ESR1: variants seen among roughly 807,000 people sequenced by gnomAD.
ESR1 encodes estrogen receptor.
In ESR1, 12 loss-of-function variants were observed where a neutral mutation model predicts 52.7. The ratio of observed to expected loss-of-function variants is 0.23; its 90% CI spans 0.15 to 0.37. The LOEUF (loss-of-function observed/expected upper bound fraction) is 0.37, where lower values mean the gene tolerates loss of function less well. ESR1 is among the 10% of genes least tolerant of loss of function. ESR1 has a pLI of 1.00. For synonymous variants in ESR1, 305 were observed against 316.8 expected (o/e 0.96, Z 0.39); for missense variants, 584 against 779.7 (o/e 0.75, Z 2.99).
chr6:151,844,964 A>G (rs1784880226), intron 2 of ESR1, among the ~76,000 whole-genome samples: 1 of 152,218 alleles, frequency 6.6e-6, no homozygotes, highest in Admixed American at 6.5e-5. Flanking sequence ...AAGGAAAACA[A>G]TAGAGAGATG....
chr6:151,939,220 C>G (rs1299794491), intron 3 of ESR1, among the ~76,000 whole-genome samples: 1 of 152,148 alleles, frequency 6.6e-6, no homozygotes, highest in Non-Finnish European at 1.5e-5. Context: ...AAGAGGCTGC[C>G]TGTTTAATAT....
At chr6:151,692,623 G>C (rs1342525678) in intron 1 of ESR1, among the ~76,000 whole-genome samples, 3 of 152,104 alleles carry the variant, frequency 2.0e-5, no homozygotes, top group African/African-American at 4.8e-5. Context: ...CGAGAAAGAG[G>C]CGCCATCTGT....
At chr6:151,829,129 T>C (rs1283618160) in intron 1 of ESR1, among the ~76,000 whole-genome samples, 2 of 152,258 alleles carry the variant, frequency 1.3e-5, no homozygotes, top group Admixed American at 6.5e-5. Context: ...TTTTACATGA[T>C]GCCCAACTTC....
In ESR1 at chr6:151,960,819, C is replaced by A. The variant is rs78320285; in HGVS notation, c.1096+16311C>A. Reference sequence around the variant, plus strand: ...AGCAATCTAGGTGATAAATGAGGACCGATGGTGGCTCTGACAAGGGTGGTA... The same window carrying A: ...AGCAATCTAGGTGATAAATGAGGACAGATGGTGGCTCTGACAAGGGTGGTA... On this transcript the variant is annotated intron_variant, in intron 4 of 7. Transcript: ENST00000206249. Among the ~76,000 whole-genome samples the A allele has an allele frequency of 4.8e-4, 73 of 152,080 alleles. No homozygotes were observed. In the East Asian group the frequency reaches 0.014, roughly 29 times the overall value.
chr6:152,001,465 C>T (rs571774306), intron 4 of ESR1, among the ~76,000 whole-genome samples: 1 of 152,036 alleles, frequency 6.6e-6, no homozygotes, highest in Non-Finnish European at 1.5e-5. Flanking sequence ...ACATCCTAAT[C>T]ACTTCTTAAA....
chr6:151,911,967 C>T (rs148174668), intron 3 of ESR1, among the ~76,000 whole-genome samples: 16 of 152,290 alleles, frequency 1.1e-4, no homozygotes, highest in Admixed American at 4.6e-4. Flanking sequence ...CCACATGTGG[C>T]CATTTAGATG....
intron 4 of ESR1, among the ~76,000 whole-genome samples, chr6:152,003,694 A>G (rs932031783): frequency 6.6e-6 from 1 of 151,976 alleles, no homozygotes; most frequent in Admixed American, 6.6e-5. Flanking sequence ...CAAAGAAATG[A>G]ATGCTTACAG....
chr6:151,718,467 C>G (rs994555918), intron 2 of ESR1, among the ~76,000 whole-genome samples: 1 of 152,126 alleles, frequency 6.6e-6, no homozygotes, highest in Admixed American at 6.5e-5. Flanking sequence ...CATTTTAAAA[C>G]CATGCATGAG....
intron 2 of ESR1, among the ~76,000 whole-genome samples, chr6:151,767,299 C>A (rs1045770574): frequency 6.6e-6 from 1 of 152,142 alleles, no homozygotes; most frequent in Non-Finnish European, 1.5e-5. Context: ...TATATCTCAG[C>A]TTAAGAGAGT....
downstream of ESR1, among the ~76,000 whole-genome samples, chr6:152,107,634 T>G (rs1219339600): frequency 1.3e-5 from 2 of 152,236 alleles, no homozygotes; most frequent in East Asian, 3.8e-4. Flanking sequence ...TATTCCTGAT[T>G]GTGGGCCACA....
exon 7 of ESR1, chr6:152,128,715 G>A (rs1337601234): frequency 2.6e-5 from 4 of 152,194 alleles, no homozygotes; most frequent in Non-Finnish European, 5.9e-5. Flanking sequence ...AACTATTTAT[G>A]CTTCTGCAAT....
intron 2 of ESR1, among the ~76,000 whole-genome samples, chr6:151,877,538 G>T (rs1239092000): frequency 2.0e-5 from 3 of 152,114 alleles, no homozygotes; most frequent in Non-Finnish European, 1.5e-5. Context: ...GTTAAGAGAC[G>T]AATTCAATTG....
At chr6:151,704,040 C>T (rs925469898) in intron 2 of ESR1, among the ~76,000 whole-genome samples, 4 of 152,162 alleles carry the variant, frequency 2.6e-5, no homozygotes, top group Non-Finnish European at 5.9e-5. Context: ...CAGTGGTTCT[C>T]CCATAATCAA....
At chr6:151,996,429 C>G (rs2041491487) in intron 4 of ESR1, among the ~76,000 whole-genome samples, 1 of 152,088 alleles carries the variant, frequency 6.6e-6, no homozygotes, top group African/African-American at 2.4e-5. Flanking sequence ...TGAGGCTCCT[C>G]TTGAGTCCTG....
At chr6:151,916,471 A>G (rs928673304) in intron 3 of ESR1, among the ~76,000 whole-genome samples, 1 of 152,220 alleles carries the variant, frequency 6.6e-6, no homozygotes, top group Admixed American at 6.5e-5. Context: ...TTTAGGTGGC[A>G]TATTTCAGAG....
At chr6:152,119,540 T>C (rs1039406860) in intron 6 of ESR1, among the ~76,000 whole-genome samples, 1 of 152,204 alleles carries the variant, frequency 6.6e-6, no homozygotes, top group Non-Finnish European at 1.5e-5. Context: ...ACCATGTTAT[T>C]AACCCTTCCC....
intron 2 of ESR1, among the ~76,000 whole-genome samples, chr6:151,705,824 G>A (rs1288425626): frequency 6.6e-6 from 1 of 152,194 alleles, no homozygotes; most frequent in African/African-American, 2.4e-5. Flanking sequence ...TAATTTATCA[G>A]TCTGGGTGTG....
At chr6:151,930,403 A>T (rs2033418390) in intron 3 of ESR1, among the ~76,000 whole-genome samples, 1 of 152,178 alleles carries the variant, frequency 6.6e-6, no homozygotes, top group South Asian at 2.1e-4. Context: ...AAATATAGGG[A>T]TATTATAACA....
chr6:152,085,891 A>G lies in ESR1; in HGVS notation c.1370-8494A>G, dbSNP rs376581421. 3.3e-5 allele frequency among the ~76,000 whole-genome samples: 5 copies of G among 152,312 alleles called. No individual in the cohort carries two copies. In the East Asian group the frequency reaches 9.7e-4, roughly 29 times the overall value. On this transcript the variant is annotated intron_variant, in intron 6 of 7. Coordinates refer to ENST00000206249, the MANE Select transcript of ESR1 (RefSeq NM_000125.4). ...GTAGAAAAGCTTGTGGATAGGAGAT[A>G]TTGGTGTGGTCATCCTTGGAAAACA...
Sources: gnomAD v4.1 joint callset for allele counts (sites outside exome capture counted in the v4.1 genomes callset) on GRCh38, gnomAD v4.1.1 for gene constraint, MANE v1.5 for transcripts, NCBI Gene and HGNC (gene_info 2026-07-23, HGNC 2026-07-21) for gene names.